The following ROS1 variants were observed in gnomAD, a reference collection of about 807,000 sequenced individuals.
The protein encoded by ROS1 is proto-oncogene tyrosine-protein kinase ROS.
In ROS1, 263 loss-of-function variants were observed where a neutral mutation model predicts 273.5. The ratio of observed to expected loss-of-function variants is 0.96; its 90% confidence interval spans 0.87 to 1.06. The LOEUF is 1.06. ROS1 is among the 50% of genes least tolerant of loss of function. The pLI, the probability that ROS1 is intolerant of heterozygous loss-of-function variation, is 0.00. For synonymous variants in ROS1, 1,008 were observed against 954.1 expected, an observed-to-expected ratio of 1.06 and a Z score of -1.04; for missense variants, 2,833 against 2,751.1, an observed-to-expected ratio of 1.03 and a Z score of -0.67.
intron 15 of ROS1, 126 bp downstream of exon 15, chr6:117,386,763 C>G: frequency 2.0e-6 from 1 of 508,984 alleles, no homozygotes; most frequent in Non-Finnish European, 3.6e-6. Flanking sequence ...AGAGTTCAGT[C>G]AATATTTTTT....
intron 6 of ROS1, 74 bp downstream of exon 6, chr6:117,404,206 G>A (rs1774199748): frequency 1.5e-6 from 2 of 1,374,624 alleles, no homozygotes; most frequent in Admixed American, 1.9e-5. Context: ...GGGCGACAGA[G>A]CGAGACTCCG....
rs551231678 is a variant in ROS1, at chr6:117,408,438, A to T, written c.316+1144T>A. 2.0e-5 allele frequency among the ~76,000 whole-genome samples: 3 copies of T among 152,260 alleles called. No individual in the cohort carries two copies. The South Asian group carries it at 6.2e-4, about 32-fold the overall frequency. On this transcript the variant is annotated intron_variant, in intron 5 of 43. Coordinates refer to ENST00000368507, the MANE Select transcript of ROS1 (RefSeq NM_001378902.1). Reference sequence around the variant, plus strand: ...AGGCACTTCTCCAAAGAAGACATTTATGCAGCCAAAAAACACATGAAAAAA... The same window carrying T: ...AGGCACTTCTCCAAAGAAGACATTTTTGCAGCCAAAAAACACATGAAAAAA...
chr6:117,341,007 C>T (rs1777869810), intron 31 of ROS1, 128 bp downstream of exon 31: 2 of 638,522 alleles, frequency 3.1e-6, no homozygotes, highest in Non-Finnish European at 2.6e-6. Context: ...CTTCTGCATG[C>T]CAAACATAAA....
At chr6:117,397,290 C>A (rs760755579) in intron 7 of ROS1, among the ~76,000 whole-genome samples, 174 bp from the exon 8 acceptor site, 2 of 151,702 alleles carry the variant, frequency 1.3e-5, no homozygotes, top group African/African-American at 4.8e-5. Flanking sequence ...TAAACCAGTT[C>A]GCTCCTTTCC....
chr6:117,309,637 A>G (rs1775382241), intron 41 of ROS1, among the ~76,000 whole-genome samples: 1 of 152,142 alleles, frequency 6.6e-6, no homozygotes. Flanking sequence ...AATAAGGGGC[A>G]TCATTCAAAT....
chr6:117,385,969 G>A, intron 15 of ROS1, 108 bp from the exon 16 acceptor site: 1 of 807,126 alleles, frequency 1.2e-6, no homozygotes, highest in Non-Finnish European at 2.0e-6. Context: ...ACAACACACT[G>A]ACACATATTC....
intron 6 of ROS1, 46 bp downstream of exon 6, chr6:117,404,234 A>G (rs1774204967): frequency 6.4e-7 from 1 of 1,571,128 alleles, no homozygotes. Context: ...AAAAAAAAAA[A>G]ATTGGGAAGG....
intron 21 of ROS1, 139 bp downstream of exon 21, chr6:117,364,920 CA>C (rs1243515664): frequency 1.9e-5 from 14 of 729,362 alleles, no homozygotes; most frequent in Non-Finnish European, 3.1e-5. Flanking sequence ...TTCTAATCTC[CA>C]AAAAGTCATT....
At position 117,308,933 on chromosome 6, in the gene ROS1, G is replaced by C. The variant is rs2128546453; in HGVS notation, c.6417-5C>G. 6.2e-7 allele frequency: 1 copy of C among 1,611,296 alleles called. No homozygotes were observed. Among genetic ancestry groups the C allele is most frequent in the Non-Finnish European group, 8.5e-7 (1 of 1,178,756 alleles). On this transcript the variant is annotated splice_region_variant and splice_polypyrimidine_tract_variant and intron_variant, in intron 41 of 43. Coordinates refer to ENST00000368507, the MANE Select transcript of ROS1 (RefSeq NM_001378902.1). Reference sequence around the variant, plus strand: ...CAAATCAGAATTCCAAAAGACCTAAGAATAGTAGAGGGTTTGCTTTAATTA... The same window carrying C: ...CAAATCAGAATTCCAAAAGACCTAACAATAGTAGAGGGTTTGCTTTAATTA...
At chr6:117,353,371 G>GT (rs1350127454) in intron 26 of ROS1, among the ~76,000 whole-genome samples, 1 of 152,130 alleles carries the variant, frequency 6.6e-6, no homozygotes, top group Non-Finnish European at 1.5e-5. Flanking sequence ...AGCCAATCAG[G>GT]TAACTACTAT....
chr6:117,328,287 A>G (rs1299094311), intron 33 of ROS1: 2 of 241,558 alleles, frequency 8.3e-6, no homozygotes, highest in African/African-American at 2.2e-5. Context: ...AGGAGTATGC[A>G]AAGTATTTAG....
chr6:117,371,807 C>G (rs1780804244), intron 18 of ROS1, among the ~76,000 whole-genome samples: 1 of 152,124 alleles, frequency 6.6e-6, no homozygotes, highest in South Asian at 2.1e-4. Context: ...TCCCCACTCC[C>G]CTGGTGGCCT....
rs138573193 is a variant in ROS1 at position 117,342,493 on chromosome 6, A to C, written c.4558T>G (p.Tyr1520Asp). Reference sequence around the variant, plus strand: ...TTTTTTACAGCTATCTGTATCATGTATGTTGAAAATGGTTGTAAATCTTCA... The same window carrying C: ...TTTTTTACAGCTATCTGTATCATGTCTGTTGAAAATGGTTGTAAATCTTCA... ...LIEDLQPFSTYMIQIAVKNYY... is the reference protein window; with the variant it reads ...LIEDLQPFSTDMIQIAVKNYY... The change falls in exon 29 of 44, where the codon TAC (tyrosine) becomes GAC (aspartate). Residue 1520 changes from tyrosine to aspartate, a missense_variant. Transcript: ENST00000368507. The C allele has an allele frequency of 1.2e-6, 2 of 1,602,988 alleles. No homozygotes were observed. The highest frequency in any genetic ancestry group is 1.7e-5 in the Admixed American group (1 of 59,584).
Position 117,360,272 on chromosome 6 carries a change from G to GTACACA in ROS1, c.3430+69_3430+70insTGTGTA, listed in dbSNP as rs1562313829. ...GTTCATATCCCTAAAGACACCAATG[G>GTACACA]GACACACACACACACACACACACAC... is the stretch of plus-strand genomic sequence containing the variant. On this transcript the variant is annotated intron_variant, in intron 23 of 43. Coordinates refer to ENST00000368507, the MANE Select transcript of ROS1 (RefSeq NM_001378902.1). The GTACACA allele has an allele frequency of 6.7e-5, 23 of 341,060 alleles. No homozygotes were observed. The African/African-American group carries it at 1.9e-3, about 29-fold the overall frequency. 21.1% of individuals were successfully genotyped at this position (341,060 alleles called of 1,614,324 possible).
intron 43 of ROS1, among the ~76,000 whole-genome samples, chr6:117,295,674 G>A (rs1276523087): frequency 1.3e-5 from 2 of 152,214 alleles, no homozygotes; most frequent in African/African-American, 4.8e-5. Flanking sequence ...CAAAAAATGG[G>A]CAAAAGATTT....
intron 37 of ROS1, among the ~76,000 whole-genome samples, chr6:117,318,746 A>T (rs986014963): frequency 2.6e-5 from 4 of 152,110 alleles, no homozygotes; most frequent in African/African-American, 7.2e-5. Context: ...TGAGGCGGGA[A>T]GGGAGCTTTG....
intron 43 of ROS1, among the ~76,000 whole-genome samples, chr6:117,299,924 CTTT>C (rs11297663): frequency 1.3e-4 from 16 of 118,646 alleles, no homozygotes; most frequent in Admixed American, 2.5e-4. Flanking sequence ...ATATTATTAT[CTTT>C]TTTTTTTTTT....
chr6:117,366,765 C>T (rs1780282307), intron 18 of ROS1, among the ~76,000 whole-genome samples: 1 of 152,106 alleles, frequency 6.6e-6, no homozygotes, highest in African/African-American at 2.4e-5. Flanking sequence ...CTGACTGCCT[C>T]GGCTTCCCAA....
chr6:117,422,313 A>C, intron 1 of ROS1, among the ~76,000 whole-genome samples: 1 of 152,130 alleles, frequency 6.6e-6, no homozygotes, highest in East Asian at 1.9e-4. Flanking sequence ...ACTTAACCAA[A>C]AGTCATACCT....
Sources: gnomAD v4.1 joint callset for allele counts (sites outside exome capture counted in the v4.1 genomes callset) on GRCh38, gnomAD v4.1.1 for gene constraint, MANE v1.5 for transcripts, NCBI Gene and HGNC (gene_info 2026-07-23, HGNC 2026-07-21) for gene names.